MELK: variants seen among roughly 807,000 people sequenced by gnomAD.
MELK encodes maternal embryonic leucine zipper kinase.
A neutral mutation model predicts 85.0 loss-of-function variants in MELK; 81 were observed. That is an observed-to-expected ratio of 0.95 (90% CI 0.80 to 1.15). The LOEUF is 1.15. Ranked by LOEUF, MELK falls within the 50% of genes most tolerant of loss-of-function variation. The pLI is 0.00. For missense variants in MELK, 754 were observed against 777.5 expected (o/e 0.97, Z 0.36); for synonymous variants, 252 against 265.0 (o/e 0.95, Z 0.48).
chr9:36,635,716 T>TA (rs1293693616), intron 10 of MELK, among the ~76,000 whole-genome samples: 5 of 151,794 alleles, frequency 3.3e-5, no homozygotes, highest in Non-Finnish European at 7.4e-5. Context: ...TGCGTATATG[T>TA]AAAAAAACAT....
At chr9:36,581,346 A>G (rs1409623144) in intron 1 of MELK, among the ~76,000 whole-genome samples, 1 of 151,868 alleles carries the variant, frequency 6.6e-6, no homozygotes, top group Non-Finnish European at 1.5e-5. Context: ...GTTGTTTAAT[A>G]TATTAATTTT....
intron 6 of MELK, among the ~76,000 whole-genome samples, chr9:36,598,406 A>T (rs1416549023): frequency 6.6e-6 from 1 of 151,876 alleles, no homozygotes; most frequent in Non-Finnish European, 1.5e-5. Flanking sequence ...CAAGGAGCAC[A>T]CTCCTGGGCA....
intron 4 of MELK, among the ~76,000 whole-genome samples, chr9:36,592,625 C>T (rs1197744415): frequency 6.6e-6 from 1 of 152,106 alleles, no homozygotes; most frequent in Non-Finnish European, 1.5e-5. Context: ...CAAATTATTA[C>T]TTTGCACCTT....
At chr9:36,614,598 T>C (rs1298326084) in intron 8 of MELK, among the ~76,000 whole-genome samples, 1 of 120,342 alleles carries the variant, frequency 8.3e-6, no homozygotes, top group Admixed American at 8.6e-5. Flanking sequence ...TCCGCAGTGT[T>C]TGTGTCCCTG....
intron 4 of MELK, among the ~76,000 whole-genome samples, chr9:36,593,881 C>T (rs769101438): frequency 3.9e-5 from 6 of 152,018 alleles, no homozygotes; most frequent in African/African-American, 7.2e-5. Flanking sequence ...TTAGTAGAGA[C>T]GGGTTGGCCA....
At chr9:36,613,819 G>A (rs979387678) in intron 8 of MELK, among the ~76,000 whole-genome samples, 5 of 152,252 alleles carry the variant, frequency 3.3e-5, no homozygotes, top group South Asian at 2.1e-4. Context: ...AAGTGAGGAG[G>A]GCAGTAGGAA....
intron 9 of MELK, among the ~76,000 whole-genome samples, chr9:36,631,138 A>G (rs534196740): frequency 4.0e-5 from 6 of 150,294 alleles, no homozygotes; most frequent in African/African-American, 1.2e-4. Context: ...TAGTTTTTGT[A>G]TTTTTAGTAG....
intron 13 of MELK, among the ~76,000 whole-genome samples, chr9:36,664,465 T>TAA (rs1832146797): frequency 6.6e-6 from 1 of 152,218 alleles, no homozygotes; most frequent in African/African-American, 2.4e-5. Flanking sequence ...GGGCACAACT[T>TAA]AGCATAGGAC....
chr9:36,622,308 G>A (rs1393438869), intron 8 of MELK, among the ~76,000 whole-genome samples: 2 of 152,030 alleles, frequency 1.3e-5, no homozygotes, highest in African/African-American at 4.8e-5. Flanking sequence ...TTAAGGTGTC[G>A]TATCACTTGC....
At chr9:36,591,206 A>G (rs1171115807) in intron 4 of MELK, among the ~76,000 whole-genome samples, 1 of 152,108 alleles carries the variant, frequency 6.6e-6, no homozygotes, top group Non-Finnish European at 1.5e-5. Flanking sequence ...ACATTTTAAA[A>G]CCTCTTTGAT....
chr9:36,637,538 G>A (rs111909150), intron 10 of MELK, among the ~76,000 whole-genome samples: 6 of 152,326 alleles, frequency 3.9e-5, no homozygotes, highest in African/African-American at 1.4e-4. Flanking sequence ...TATTTTAATA[G>A]TGTTTCCAGA....
In MELK at chr9:36,607,614, A is replaced by G. The variant is rs765681502; in HGVS notation, c.607A>G (p.Met203Val). ...WSMGILLYVL[M>V]CGFLPFDDDN... The stretch of plus-strand genomic sequence containing the variant: ...CATGGGCATACTGTTATATGTTCTT[A>G]TGTGTGGATTTCTACCATTTGATGA... Residue 203 changes from methionine to valine, a missense_variant, in exon 8 of 18, where the codon ATG becomes GTG. Physicochemically the swap from Met to Val is conservative, Grantham distance 21. Transcript: ENST00000298048. The G allele has an allele frequency of 6.2e-7, 1 of 1,613,040 alleles. No homozygotes were observed. The highest frequency in any genetic ancestry group is 1.1e-5 in the South Asian group (1 of 91,058).
intron 13 of MELK, among the ~76,000 whole-genome samples, chr9:36,659,111 G>C (rs1411269410): frequency 6.6e-6 from 1 of 152,030 alleles, no homozygotes. Context: ...TCGATCTCCT[G>C]ACCTTGTGAT....
rs753998985 is a variant in MELK, at chr9:36,671,077, A to T, written c.1585A>T (p.Ser529Cys). 6.2e-7 allele frequency: 1 copy of T among 1,613,412 alleles called. No individual in the cohort carries two copies. The highest frequency in any genetic ancestry group is 8.5e-7 in the Non-Finnish European group (1 of 1,179,692). ...PKRKGAKVFG[S>C]LERGLDKVIT... ...AAGAAAGGGAGCCAAAGTGTTTGGGAGCCTTGAAAGGGGGTTGGATAAGGT... is the reference window on the plus strand; with the variant it reads ...AAGAAAGGGAGCCAAAGTGTTTGGGTGCCTTGAAAGGGGGTTGGATAAGGT... Residue 529 changes from serine to cysteine, a missense_variant, in exon 16 of 18, where the codon AGC becomes TGC. By Grantham distance (112) the Ser-to-Cys change is moderately radical. Transcript: ENST00000298048.
intron 7 of MELK, among the ~76,000 whole-genome samples, chr9:36,604,599 C>CA (rs1825293761): frequency 6.6e-6 from 1 of 151,938 alleles, no homozygotes; most frequent in African/African-American, 2.4e-5. Context: ...CTGATCCGCC[C>CA]ACCTTGGCCT....
chr9:36,589,445 C>G lies in MELK; in HGVS notation c.145-91C>G. On this transcript the variant is annotated intron_variant, in intron 3 of 17. Coordinates refer to ENST00000298048, the MANE Select transcript of MELK (RefSeq NM_014791.4). ...TACAGGTGTGAGCCACCGTGCCCGG[C>G]CAGCTACTTAGTATTAAAGCTGTTA... 11 of 1,048,974 alleles carry G rather than the reference C, an allele frequency of 1.0e-5. No individual in the cohort carries two copies. The South Asian group carries it at 1.5e-4, about 14-fold the overall frequency. 65.0% of individuals were successfully genotyped at this position (1,048,974 alleles called of 1,614,324 possible).
At chr9:36,665,692 A>C in intron 14 of MELK, 111 bp downstream of exon 14, 2 of 734,386 alleles carry the variant, frequency 2.7e-6, no homozygotes, top group Non-Finnish European at 4.2e-6. Context: ...TTCTAGGAGA[A>C]GTGAAGCTGT....
chr9:36,658,976 G>A (rs2137548057), intron 13 of MELK, among the ~76,000 whole-genome samples: 1 of 151,684 alleles, frequency 6.6e-6, no homozygotes, highest in Non-Finnish European at 1.5e-5. Context: ...CCGCCTCCTG[G>A]GTTCATGCCA....
intron 8 of MELK, among the ~76,000 whole-genome samples, chr9:36,618,515 A>G (rs1827081484): frequency 6.6e-6 from 1 of 152,184 alleles, no homozygotes; most frequent in Admixed American, 6.5e-5. Context: ...TCCTTATTTA[A>G]AATAGTCTTG....
Sources: gnomAD v4.1 joint callset for allele counts (sites outside exome capture counted in the v4.1 genomes callset) on GRCh38, gnomAD v4.1.1 for gene constraint, MANE v1.5 for transcripts, NCBI Gene and HGNC (gene_info 2026-07-23, HGNC 2026-07-21) for gene names.